RBM6: variants seen among roughly 807,000 people sequenced by gnomAD.
RBM6 encodes the protein RNA binding motif protein 6, also known as RNA-binding protein 6.
In RBM6, 23 loss-of-function variants were observed where a neutral mutation model predicts 140.4. That is an observed-to-expected ratio of 0.16 (90% CI 0.12 to 0.23). The LOEUF (loss-of-function observed/expected upper bound fraction) is 0.23. Ranked by LOEUF, RBM6 falls within the 10% of genes least tolerant of loss-of-function variation. The probability of loss-of-function intolerance (pLI) is 1.00; values close to 1 mark genes in which losing one functional copy is unlikely to be tolerated. For missense variants in RBM6, 1,139 were observed against 1,386.7 expected (o/e 0.82, Z 2.84); for synonymous variants, 439 against 475.6 (o/e 0.92, Z 1.00).
At chr3:50,038,267 T>G (rs1405307859) in intron 6 of RBM6, among the ~76,000 whole-genome samples, 1 of 152,178 alleles carries the variant, frequency 6.6e-6, no homozygotes, top group African/African-American at 2.4e-5. Context: ...TCTGCTCTCT[T>G]GGCTGTTCTC....
intron 16 of RBM6, chr3:50,065,758 C>G (rs1486626097): frequency 4.8e-6 from 2 of 415,334 alleles, no homozygotes; most frequent in Non-Finnish European, 9.7e-6. Context: ...TAATTCAGCT[C>G]ATTGTGGCAT....
intron 5 of RBM6, among the ~76,000 whole-genome samples, chr3:49,993,714 A>C (rs973589602): frequency 1.3e-5 from 2 of 152,018 alleles, no homozygotes; most frequent in African/African-American, 2.4e-5. Context: ...AAAAAAAAAA[A>C]CAACCCTTGT....
intron 5 of RBM6, among the ~76,000 whole-genome samples, chr3:49,984,601 A>G (rs149256259): frequency 0.011 from 981 of 91,490 alleles, 8 homozygotes; most frequent in Non-Finnish European, 0.012. Context: ...ACATCACATC[A>G]CATCACATCA....
intron 17 of RBM6, among the ~76,000 whole-genome samples, chr3:50,066,853 G>A (rs200030974): frequency 9.5e-5 from 6 of 62,934 alleles, no homozygotes; most frequent in Admixed American, 8.2e-4. Flanking sequence ...AAACAAAACT[G>A]TTGACTCATA....
intron 6 of RBM6, chr3:50,047,439 T>A: frequency 1.6e-6 from 1 of 625,018 alleles, no homozygotes; most frequent in Non-Finnish European, 2.0e-6. Context: ...AACTTTATTT[T>A]AATGTGAAAT....
Position 49,979,818 on chromosome 3 carries a change from A to G in RBM6, c.1483+4426A>G, listed in dbSNP as rs145853583. Among the ~76,000 whole-genome samples the G allele has an allele frequency of 1.9e-3, 296 of 152,194 alleles. 4 individuals carry two copies. Among genetic ancestry groups the G allele is most frequent in the African/African-American group, 5.9e-3 (244 of 41,542 alleles). ...CTTATGTGACATTCTGGAAGGGACAAAATTTTAGGGATTGGAAATAGTGGT... is the reference window on the plus strand; with the variant it reads ...CTTATGTGACATTCTGGAAGGGACAGAATTTTAGGGATTGGAAATAGTGGT... On this transcript the variant is annotated intron_variant, in intron 5 of 20. Transcript: ENST00000266022.
rs1361615610 is a variant in RBM6, at chr3:50,051,847, C to T, written c.1633-2488C>T. On this transcript the variant is annotated intron_variant, in intron 7 of 20. Transcript: ENST00000266022. ...AATGAAAAGGAATGAAGTACTGATG[C>T]ATGTTACAACCTAGATGAACCTTGA... Among the ~76,000 whole-genome samples, 10 of 152,302 alleles carry T rather than the reference C, an allele frequency of 6.6e-5. No individual in the cohort carries two copies. The East Asian group carries it at 1.7e-3, about 26-fold the overall frequency.
In RBM6 at chr3:50,066,268, C is replaced by G; in HGVS notation, c.2709C>G (p.Gly903=). The change falls in exon 17 of 21, where the codon GGC becomes GGG. Residue 903 remains glycine (G), a synonymous_variant. Coordinates refer to ENST00000266022, the MANE Select transcript of RBM6 (RefSeq NM_005777.3). ...PPPKVVNPLI[G]LLGEYGGDSD... is the part of the protein sequence containing the mutation. ...CTAAAGTGGTAAACCCACTGATCGG[C>G]CTCTTGGGTGAATATGGAGGAGACA... 1 of 1,614,098 alleles carries G rather than the reference C, an allele frequency of 6.2e-7. No individual in the cohort carries two copies. Among genetic ancestry groups the G allele is most frequent in the South Asian group, 1.1e-5 (1 of 91,070 alleles).
Position 49,985,896 on chromosome 3 carries a change from A to G in RBM6, c.1483+10504A>G, listed in dbSNP as rs1184995473. Reference sequence around the variant, plus strand: ...GCTGGGTTTACAGGCGTGAGCCACCATGCCTGGCCTTAAGAATGAGTTGAT... The same window carrying G: ...GCTGGGTTTACAGGCGTGAGCCACCGTGCCTGGCCTTAAGAATGAGTTGAT... On this transcript the variant is annotated intron_variant, in intron 5 of 20. Transcript: ENST00000266022. Among the ~76,000 whole-genome samples, 5 of 152,148 alleles carry G rather than the reference A, an allele frequency of 3.3e-5. No homozygotes were observed. The East Asian group carries it at 7.8e-4, about 24-fold the overall frequency.
chr3:50,003,790 G>A (rs986791284), intron 6 of RBM6, among the ~76,000 whole-genome samples: 1 of 152,198 alleles, frequency 6.6e-6, no homozygotes, highest in Non-Finnish European at 1.5e-5. Context: ...TTTCCAACAG[G>A]TATGAAGGTA....
At chr3:50,061,760 G>GA in intron 14 of RBM6, 1 of 1,322,816 alleles carries the variant, frequency 7.6e-7, no homozygotes, top group Non-Finnish European at 1.0e-6. Context: ...TAAGAACAGT[G>GA]TTGCTCTTGA....
At chr3:49,956,328 C>CGTTT in intron 1 of RBM6, among the ~76,000 whole-genome samples, 3 of 72,044 alleles carry the variant, frequency 4.2e-5, no homozygotes, top group East Asian at 3.8e-4. Flanking sequence ...CCCTCCCCCG[C>CGTTT]TTTTTTTTTT....
intron 6 of RBM6, among the ~76,000 whole-genome samples, chr3:50,023,630 A>G (rs1007198101): frequency 6.7e-6 from 1 of 150,192 alleles, no homozygotes. Flanking sequence ...CTGGCATTAT[A>G]CGCTCACAAA....
At chr3:49,980,835 A>AT (rs2085276160) in intron 5 of RBM6, among the ~76,000 whole-genome samples, 1 of 151,904 alleles carries the variant, frequency 6.6e-6, no homozygotes, top group Non-Finnish European at 1.5e-5. Context: ...TATTATTGCA[A>AT]TTTTTTTGTA....
In RBM6 at chr3:50,061,584, T is replaced by TA. The variant is rs770556394; in HGVS notation, c.2439+38dup. On this transcript the variant is annotated intron_variant, in intron 14 of 20. Transcript: ENST00000266022. ...GCTTTTTTTTTTTTTTTTTTTTTTT[T>TA]ACCTCTGTCAATGATTCTTTTGAGA... 9.0e-5 allele frequency: 115 copies of TA among 1,283,242 alleles called. 1 individual carries two copies. In the African/African-American group the frequency reaches 1.1e-3, roughly 12 times the overall value. 79.5% of individuals were successfully genotyped at this position (1,283,242 alleles called of 1,614,324 possible).
chr3:49,968,112 C>T lies in RBM6; in HGVS notation c.687C>T (p.Asp229=), dbSNP rs776516530. ...CTGATTTGGACTTTAGAGACAAAGA[C>T]GGAACACAAGTAGACTTTAGAGGCC... ...DVSDLDFRDK[D]GTQVDFRGRG... Residue 229 remains aspartate, a synonymous_variant, in exon 3 of 21, where the codon GAC becomes GAT. Transcript: ENST00000266022. The T allele has an allele frequency of 1.2e-5, 20 of 1,614,056 alleles. No individual in the cohort carries two copies. Among genetic ancestry groups the T allele is most frequent in the East Asian group, 1.1e-4 (5 of 44,884 alleles).
intron 6 of RBM6, among the ~76,000 whole-genome samples, chr3:50,002,674 C>T (rs1031469471): frequency 1.3e-5 from 2 of 152,110 alleles, no homozygotes; most frequent in Admixed American, 6.5e-5. Flanking sequence ...TGGGATGACA[C>T]GCACGAGTCA....
chr3:50,004,474 AT>A (rs1182296633), intron 6 of RBM6, among the ~76,000 whole-genome samples: 185 of 103,330 alleles, frequency 1.8e-3, no homozygotes, highest in East Asian at 6.5e-3. Context: ...ACAGCTGGCT[AT>A]TTTTTTTTTT....
chr3:50,021,554 C>T (rs1023129909), intron 6 of RBM6, among the ~76,000 whole-genome samples: 3 of 151,974 alleles, frequency 2.0e-5, no homozygotes, highest in Admixed American at 1.3e-4. Flanking sequence ...GCACGAAAAT[C>T]GGTTGAACCC....
Sources: gnomAD v4.1 joint callset for allele counts (sites outside exome capture counted in the v4.1 genomes callset) on GRCh38, gnomAD v4.1.1 for gene constraint, MANE v1.5 for transcripts, NCBI Gene and HGNC (gene_info 2026-07-23, HGNC 2026-07-21) for gene names.